The following SASH1 variants were observed in gnomAD, a reference collection of about 807,000 sequenced individuals.
SASH1 encodes SAM and SH3 domain-containing protein 1.
A neutral mutation model predicts 125.2 loss-of-function variants in SASH1; 44 were observed. That is an observed-to-expected ratio of 0.35 (90% confidence interval 0.28 to 0.45). The LOEUF (loss-of-function observed/expected upper bound fraction) is 0.45. Among genes scored for constraint, SASH1 ranks in the 20% least tolerant of loss-of-function variants. SASH1 has a pLI of 1.00. For missense variants in SASH1, 1,426 were observed against 1,614.5 expected (o/e 0.88, Z 2.00); for synonymous variants, 639 against 649.1 (o/e 0.98, Z 0.24).
chr6:148,535,535 A>G (rs1781791043), intron 16 of SASH1, among the ~76,000 whole-genome samples: 1 of 152,260 alleles, frequency 6.6e-6, no homozygotes, highest in African/African-American at 2.4e-5. Context: ...GTCTCTCCGC[A>G]GTGAATATGT....
chr6:148,328,040 T>A (rs1780888710), intron 1 of SASH1, among the ~76,000 whole-genome samples: 1 of 152,160 alleles, frequency 6.6e-6, no homozygotes, highest in Non-Finnish European at 1.5e-5. Context: ...ATGGCAGTTT[T>A]TCGTTTAAGG....
chr6:148,485,356 T>C (rs1562450127), intron 7 of SASH1, among the ~76,000 whole-genome samples: 1 of 152,182 alleles, frequency 6.6e-6, no homozygotes, highest in Non-Finnish European at 1.5e-5. Context: ...GTCCCTAATG[T>C]AATGGAAATA....
chr6:148,330,141 A>C (rs775108476), intron 1 of SASH1, among the ~76,000 whole-genome samples: 2 of 152,220 alleles, frequency 1.3e-5, no homozygotes, highest in Admixed American at 6.5e-5. Flanking sequence ...CCAGAATGTT[A>C]TATTCAGCTC....
intron 4 of SASH1, among the ~76,000 whole-genome samples, chr6:148,459,940 C>G (rs1007521123): frequency 3.3e-5 from 5 of 152,124 alleles, no homozygotes; most frequent in African/African-American, 9.7e-5. Context: ...GACTCCTGAA[C>G]CCACATTCTG....
intron 1 of SASH1, among the ~76,000 whole-genome samples, chr6:148,378,701 T>C (rs1783012075): frequency 1.3e-5 from 2 of 152,132 alleles, no homozygotes; most frequent in Non-Finnish European, 2.9e-5. Flanking sequence ...GCTTTTCTCT[T>C]CCTGTTGGGC....
chr6:148,421,996 A>G (rs1785124021), intron 2 of SASH1, among the ~76,000 whole-genome samples: 1 of 152,188 alleles, frequency 6.6e-6, no homozygotes, highest in Admixed American at 6.5e-5. Flanking sequence ...CAGATGGAGA[A>G]TATGCATTTT....
chr6:148,474,143 C>A lies in SASH1; in HGVS notation c.548C>A (p.Thr183Lys). 6.2e-7 allele frequency: 1 copy of A among 1,611,682 alleles called. No homozygotes were observed. The highest frequency in any genetic ancestry group is 8.5e-7 in the Non-Finnish European group (1 of 1,178,924). ...EDVGYVASEITMSDEERIQLM... is the reference protein window; with the variant it reads ...EDVGYVASEIKMSDEERIQLM... Reference sequence around the variant, plus strand: ...GTTGGTTATGTTGCCAGTGAAATAACGATGAGCGATGAGGAGCGGATTCAG... The same window carrying A: ...GTTGGTTATGTTGCCAGTGAAATAAAGATGAGCGATGAGGAGCGGATTCAG... Residue 183 changes from threonine to lysine, a missense_variant, in exon 7 of 20, where the codon ACG becomes AAG. Transcript: ENST00000367467.
At chr6:148,342,399 A>C (rs925197131), upstream of SASH1, among the ~76,000 whole-genome samples, 1 of 152,170 alleles carries the variant, frequency 6.6e-6, no homozygotes, top group Non-Finnish European at 1.5e-5. Flanking sequence ...CCGTTACCAA[A>C]AGCGTTTCCG....
intron 9 of SASH1, among the ~76,000 whole-genome samples, chr6:148,517,158 T>TATCA (rs933465818): frequency 3.0e-4 from 46 of 152,308 alleles, no homozygotes; most frequent in African/African-American, 1.1e-3. Flanking sequence ...TGTTTACTGT[T>TATCA]ATCATCACAA....
At chr6:148,418,947 A>G (rs1464245934) in intron 2 of SASH1, among the ~76,000 whole-genome samples, 1 of 152,156 alleles carries the variant, frequency 6.6e-6, no homozygotes, top group Admixed American at 6.6e-5. Context: ...CCAAGATTGA[A>G]TCTTCCTTGA....
the SASH1 span, among the ~76,000 whole-genome samples, chr6:148,208,096 C>A: frequency 2.6e-5 from 4 of 152,178 alleles, no homozygotes; most frequent in African/African-American, 4.8e-5. Flanking sequence ...CAGCTGAGCC[C>A]CCGTTTGGTG....
chr6:148,446,775 G>A (rs1202468986), intron 4 of SASH1, among the ~76,000 whole-genome samples: 3 of 152,136 alleles, frequency 2.0e-5, no homozygotes, highest in Non-Finnish European at 2.9e-5. Flanking sequence ...AAAATCCTAC[G>A]AGATGACAAA....
intron 8 of SASH1, 72 bp downstream of exon 8, chr6:148,487,787 T>C (rs1194346856): frequency 8.7e-7 from 1 of 1,155,492 alleles, no homozygotes; most frequent in Non-Finnish European, 1.3e-6. Flanking sequence ...TTTTAGTCTT[T>C]GTATTTCTTT....
rs534788804 is a variant in SASH1, at chr6:148,277,384, T to C, written n.74+5007T>C. ...TAGAATTGCATGGCATGGAGAGACA[T>C]TGGGTTCACCGTGCTCCGACCAGCC... is the stretch of plus-strand genomic sequence containing the variant. On this transcript the variant is annotated intron_variant and non_coding_transcript_variant, in intron 1 of 3. Coordinates refer to the SASH1 transcript ENST00000367469. Among the ~76,000 whole-genome samples, 8 of 152,324 alleles carry C rather than the reference T, an allele frequency of 5.3e-5. No individual in the cohort carries two copies. In the East Asian group the frequency reaches 1.5e-3, roughly 29 times the overall value.
chr6:148,412,070 A>C (rs758519653), intron 2 of SASH1, among the ~76,000 whole-genome samples: 4 of 152,190 alleles, frequency 2.6e-5, no homozygotes, highest in Admixed American at 6.5e-5. Flanking sequence ...GTTGCCACTC[A>C]TGACTCGTTG....
At chr6:148,269,421 C>T (rs763183728), upstream of SASH1, among the ~76,000 whole-genome samples, 1 of 152,184 alleles carries the variant, frequency 6.6e-6, no homozygotes, top group African/African-American at 2.4e-5. Context: ...AGGCACACAC[C>T]ATTATGCCCA....
chr6:148,351,225 C>CA (rs1781719048), intron 1 of SASH1, among the ~76,000 whole-genome samples: 1 of 121,130 alleles, frequency 8.3e-6, no homozygotes, highest in Non-Finnish European at 1.7e-5. Flanking sequence ...CTGAAAGGCT[C>CA]TTCTATGGCT....
In SASH1 at chr6:148,511,324, T is replaced by TACAC. The variant is rs58822082; in HGVS notation, c.730-2953_730-2950dup. On this transcript the variant is annotated intron_variant, in intron 8 of 19. Transcript: ENST00000367467. ...GCTGACTTCTAGGTTAATTTTCTAT[T>TACAC]ACACACACACACACACACACACACA... Among the ~76,000 whole-genome samples the TACAC allele has an allele frequency of 7.2e-3, 978 of 135,450 alleles. 8 individuals carry two copies. Among genetic ancestry groups the TACAC allele is most frequent in the Admixed American group, 0.01 (136 of 13,426 alleles). 88.9% of individuals were successfully genotyped at this position (135,450 alleles called of 152,430 possible). A position where few individuals can be genotyped will look rare whatever the true frequency, so the allele number is the denominator to read the frequency against.
the SASH1 span, among the ~76,000 whole-genome samples, chr6:148,226,120 T>C: frequency 0.14 from 21,205 of 152,170 alleles, 1,528 homozygotes; most frequent in Middle Eastern, 0.18. Flanking sequence ...CAATGACTAT[T>C]CTCTATTTAT....
Sources: gnomAD v4.1 joint callset for allele counts (sites outside exome capture counted in the v4.1 genomes callset) on GRCh38, gnomAD v4.1.1 for gene constraint, MANE v1.5 for transcripts, NCBI Gene and HGNC (gene_info 2026-07-23, HGNC 2026-07-21) for gene names.